Variants in FCN2 observed in about 807,000 individuals in gnomAD.
The protein encoded by FCN2 is ficolin 2, also known as ficolin-2.
FCN2 carries 31 observed loss-of-function variants against 32.5 expected under a neutral mutation model. That is an observed-to-expected ratio of 0.96 (90% CI 0.72 to 1.29). The LOEUF (loss-of-function observed/expected upper bound fraction) is 1.29. Ranked by LOEUF, FCN2 falls within the 50% of genes most tolerant of loss-of-function variation. The probability of loss-of-function intolerance (pLI) is 0.00; values close to 1 mark genes in which losing one functional copy is unlikely to be tolerated. For synonymous variants in FCN2, 181 were observed against 164.5 expected, an observed-to-expected ratio of 1.10 and a Z score of -0.77; for missense variants, 412 against 406.5, an observed-to-expected ratio of 1.01 and a Z score of -0.12.
At chr9:134,885,997 C>T (rs1830749014) in intron 6 of FCN2, 100 bp downstream of exon 6, 4 of 1,279,836 alleles carry the variant, frequency 3.1e-6, no homozygotes, top group East Asian at 2.4e-5. Context: ...TCTTGGCCCA[C>T]AGGGGATTGG....
In FCN2 at chr9:134,885,877, T is replaced by A. The variant is rs1175676483; in HGVS notation, c.539T>A (p.Ile180Asn). ...LGEFWLGNDN[I>N]HALTAQGTSE... ...GAGTTCTGGCTGGGGAATGACAACA[T>A]CCACGCCCTGACCGCCCAGGGTAGG... Residue 180 changes from isoleucine to asparagine, a missense_variant, in exon 6 of 8, where the codon ATC becomes AAC. Coordinates refer to ENST00000291744, the MANE Select transcript of FCN2 (RefSeq NM_004108.3). 6 of 1,612,908 alleles carry A rather than the reference T, an allele frequency of 3.7e-6. No homozygotes were observed. The African/African-American group carries it at 6.7e-5, about 18-fold the overall frequency.
chr9:134,869,069 A>G, the FCN2 span, among the ~76,000 whole-genome samples: 1 of 151,746 alleles, frequency 6.6e-6, no homozygotes, highest in East Asian at 1.9e-4. Flanking sequence ...AGTCCTTTAC[A>G]GAGAGTGTTC....
chr9:134,869,280 G>T, the FCN2 span, among the ~76,000 whole-genome samples: 3 of 152,346 alleles, frequency 2.0e-5, no homozygotes, highest in African/African-American at 4.8e-5. Context: ...TGAAGGGGGC[G>T]AGTGGGTGAG....
chr9:134,869,573 G>A, the FCN2 span, among the ~76,000 whole-genome samples: 2 of 152,212 alleles, frequency 1.3e-5, no homozygotes, highest in African/African-American at 4.8e-5. Flanking sequence ...CCCTCCCTAG[G>A]CCTCTGGCTT....
At chr9:134,872,146 G>T in the FCN2 span, among the ~76,000 whole-genome samples, 2 of 151,862 alleles carry the variant, frequency 1.3e-5, no homozygotes, top group Non-Finnish European at 2.9e-5. Context: ...GTCATACTCC[G>T]TGTGTGGATG....
the FCN2 span, among the ~76,000 whole-genome samples, chr9:134,867,392 A>T: frequency 6.7e-6 from 1 of 150,032 alleles, no homozygotes; most frequent in African/African-American, 2.5e-5. Flanking sequence ...TCACAAGAAC[A>T]AAAAACCAAA....
the FCN2 span, among the ~76,000 whole-genome samples, chr9:134,867,663 TA>T: frequency 0.12 from 16,747 of 140,082 alleles, 1,034 homozygotes; most frequent in South Asian, 0.28. Context: ...GGGGATACTT[TA>T]AAAAAAAAAA....
upstream of FCN2, among the ~76,000 whole-genome samples, chr9:134,877,079 A>T (rs539288871): frequency 1.3e-3 from 192 of 152,272 alleles, no homozygotes; most frequent in African/African-American, 4.3e-3. Context: ...CTTCAGTCTG[A>T]CTAGAGGTTT....
At position 134,882,639 on chromosome 9, in the gene FCN2, G is replaced by T; in HGVS notation, c.214G>T (p.Gly72Ter). The T allele has an allele frequency of 6.3e-7, 1 of 1,599,856 alleles. No individual in the cohort carries two copies. The highest frequency in any genetic ancestry group is 8.6e-7 in the Non-Finnish European group (1 of 1,167,182). ...KGEAGTNGKRGERGPPGPPGK... is the reference protein window; with the variant it reads ...KGEAGTNGKR ...AGAGGCAGGCACCAATGGAAAGAGA[G>T]GTAGGTGCAGGCATGGCTGGGGGCA... Residue 72 changes from glycine (G) to a stop codon, truncating the protein, a stop_gained and splice_region_variant, in exon 2 of 8, where the codon GGA becomes TGA. Coordinates refer to ENST00000291744, the MANE Select transcript of FCN2 (RefSeq NM_004108.3). LOFTEE classifies it high-confidence loss of function.
At chr9:134,879,621 A>G (rs1253155877), upstream of FCN2, among the ~76,000 whole-genome samples, 1 of 152,150 alleles carries the variant, frequency 6.6e-6, no homozygotes, top group Non-Finnish European at 1.5e-5. Flanking sequence ...CATCTGGCAT[A>G]GCCTTAATTA....
At chr9:134,875,899 G>A (rs1279846067), upstream of FCN2, among the ~76,000 whole-genome samples, 1 of 152,100 alleles carries the variant, frequency 6.6e-6, no homozygotes, top group Non-Finnish European at 1.5e-5. Flanking sequence ...TAATAAACAG[G>A]TGCTATTTTA....
Position 134,887,438 on chromosome 9 carries a change from G to T in FCN2, c.*23G>T, listed in dbSNP as rs1357126738. 3 of 1,612,756 alleles carry T rather than the reference G, an allele frequency of 1.9e-6. No homozygotes were observed. The highest frequency in any genetic ancestry group is 2.7e-5 in the African/African-American group (2 of 74,910). On this transcript the variant is annotated 3_prime_UTR_variant, in exon 8 of 8. Coordinates refer to ENST00000291744, the MANE Select transcript of FCN2 (RefSeq NM_004108.3). The stretch of plus-strand genomic sequence containing the variant: ...TAGCCCAGGCCGGCCTCAGGGTCAG[G>T]ACGCCTCCACACATAGTTGGTTGGG...
chr9:134,874,076 G>A, the FCN2 span, among the ~76,000 whole-genome samples: 4 of 151,790 alleles, frequency 2.6e-5, no homozygotes, highest in African/African-American at 2.4e-5. Flanking sequence ...CACCACACGC[G>A]GCTAATTTTT....
At chr9:134,869,524 A>AC in the FCN2 span, among the ~76,000 whole-genome samples, 1 of 150,652 alleles carries the variant, frequency 6.6e-6, no homozygotes. Flanking sequence ...GAGGGCTCAG[A>AC]CCCCCGCAGG....
At position 134,885,851 on chromosome 9, in the gene FCN2, G is replaced by C. The variant is rs757643121; in HGVS notation, c.513G>C (p.Gly171=). The C allele has an allele frequency of 1.2e-6, 2 of 1,613,920 alleles. No individual in the cohort carries two copies. Among genetic ancestry groups the C allele is most frequent in the Non-Finnish European group, 1.7e-6 (2 of 1,179,936 alleles). ...TYKQGFGSRL[G]EFWLGNDNIH... is the part of the protein sequence containing the mutation. The stretch of plus-strand genomic sequence containing the variant: ...AGCAGGGCTTCGGCAGTCGGCTGGG[G>C]GAGTTCTGGCTGGGGAATGACAACA... The change falls in exon 6 of 8, where the codon GGG becomes GGC. Residue 171 remains glycine (G), a synonymous_variant. Transcript: ENST00000291744.
At chr9:134,876,307 T>G (rs1830603243), upstream of FCN2, among the ~76,000 whole-genome samples, 3 of 152,230 alleles carry the variant, frequency 2.0e-5, no homozygotes, top group African/African-American at 7.2e-5. Flanking sequence ...AAAGTAGTTG[T>G]AACTTTCTGA....
chr9:134,886,880 A>C (rs1471700818), intron 7 of FCN2, among the ~76,000 whole-genome samples: 1 of 152,156 alleles, frequency 6.6e-6, no homozygotes. Flanking sequence ...CCATGATGGA[A>C]TCCAGAGTAG....
At chr9:134,872,074 C>T in the FCN2 span, among the ~76,000 whole-genome samples, 1 of 152,228 alleles carries the variant, frequency 6.6e-6, no homozygotes, top group Non-Finnish European at 1.5e-5. Context: ...CTCCCCCCGG[C>T]AGACCTATTT....
chr9:134,887,308 T>C lies in FCN2; in HGVS notation c.835T>C (p.Tyr279His). The C allele has an allele frequency of 6.2e-7, 1 of 1,614,178 alleles. No homozygotes were observed. Among genetic ancestry groups the C allele is most frequent in the Non-Finnish European group, 8.5e-7 (1 of 1,180,018 alleles). The change falls in exon 8 of 8, where the codon TAC becomes CAC. Residue 279 changes from tyrosine to histidine, a missense_variant. By Grantham distance (83) the Tyr-to-His change is moderately conservative. Coordinates refer to ENST00000291744, the MANE Select transcript of FCN2 (RefSeq NM_004108.3). ...CCATGTGTCAAACCTGAATGGTCGC[T>C]ACCTCAGGGGGACTCATGGCAGCTT... ...NCHVSNLNGR[Y>H]LRGTHGSFAN...
Sources: gnomAD v4.1 joint callset for allele counts (sites outside exome capture counted in the v4.1 genomes callset) on GRCh38, gnomAD v4.1.1 for gene constraint, MANE v1.5 for transcripts, NCBI Gene and HGNC (gene_info 2026-07-23, HGNC 2026-07-21) for gene names.